Variants in PTPRN2 observed in about 807,000 individuals in gnomAD.
The protein encoded by PTPRN2 is protein tyrosine phosphatase receptor type N2, also known as receptor-type tyrosine-protein phosphatase N2.
Under a neutral mutation model 118.8 loss-of-function variants are expected in PTPRN2, and 74 were observed. The ratio of observed to expected loss-of-function variants is 0.62; its 90% confidence interval spans 0.52 to 0.76. The LOEUF is 0.76. PTPRN2 is among the 30% of genes least tolerant of loss of function. The probability of loss-of-function intolerance (pLI) is 0.00; values close to 1 mark genes in which losing one functional copy is unlikely to be tolerated. For synonymous variants in PTPRN2, 641 were observed against 608.0 expected (o/e 1.05, Z -0.80); for missense variants, 1,481 against 1,394.4 (o/e 1.06, Z -0.99).
chr7:157,715,965 G>A (rs1798883237), intron 12 of PTPRN2, among the ~76,000 whole-genome samples: 1 of 152,248 alleles, frequency 6.6e-6, no homozygotes, highest in Non-Finnish European at 1.5e-5. Context: ...TCCACGCTCT[G>A]ATCTGACTTA....
At position 158,132,268 on chromosome 7, in the gene PTPRN2, T is replaced by TAC. The variant is rs370186203; in HGVS notation, c.1556+1407_1556+1408dup. 1.1e-3 allele frequency among the ~76,000 whole-genome samples: 149 copies of TAC among 139,368 alleles called. 1 individual carries two copies. The highest frequency in any genetic ancestry group is 3.4e-3 in the African/African-American group (127 of 36,912). The allele number at this position is 139,368 out of a possible 152,430, so 91.4% of individuals were successfully genotyped here. Reference sequence around the variant, plus strand: ...CACATCTACCCGACATACACACTCATACACACACACACGCACAAACTGATA... The same window carrying TAC: ...CACATCTACCCGACATACACACTCATACACACACACACACGCACAAACTGATA... On this transcript the variant is annotated intron_variant, in intron 9 of 22. Coordinates refer to ENST00000389418, the MANE Select transcript of PTPRN2 (RefSeq NM_002847.5).
rs1326391452 is a variant in PTPRN2, at chr7:157,893,868, G to A, written c.1788+4805C>T. Among the ~76,000 whole-genome samples the A allele has an allele frequency of 6.6e-6, 1 of 152,200 alleles. No individual in the cohort carries two copies. Among genetic ancestry groups the A allele is most frequent in the Non-Finnish European group, 1.5e-5 (1 of 68,036 alleles). ...GGAGAGTCCAATCTGTAGAACTCAC[G>A]GAGGAGGAGCTGGTCGACTTGAAGG... On this transcript the variant is annotated intron_variant, in intron 12 of 22. Transcript: ENST00000389418. The surrounding 1 kb of genome is among the most constrained non-coding windows in gnomAD (Gnocchi z 4.0).
intron 9 of PTPRN2, among the ~76,000 whole-genome samples, chr7:158,114,456 C>T (rs1439496307): frequency 2.0e-5 from 3 of 150,982 alleles, no homozygotes; most frequent in Non-Finnish European, 4.4e-5. Context: ...GTAGGTCGCT[C>T]AGCTTCAGGC....
At position 158,534,951 on chromosome 7, in the gene PTPRN2, G is replaced by A. The variant is rs192365725; in HGVS notation, c.113-45166C>T. 9.1e-4 allele frequency among the ~76,000 whole-genome samples: 139 copies of A among 152,264 alleles called. 1 individual carries two copies. In the East Asian group the frequency reaches 0.013, roughly 14 times the overall value. On this transcript the variant is annotated intron_variant, in intron 1 of 22. Transcript: ENST00000389418. ...CCTCGAGCCTCGTCAGCAGGCAGGC[G>A]TTTCAGTGTTCCCCAGAACTACACC...
chr7:158,345,311 G>C (rs547468503), intron 2 of PTPRN2, among the ~76,000 whole-genome samples: 108 of 152,288 alleles, frequency 7.1e-4, no homozygotes, highest in African/African-American at 2.5e-3. Context: ...TCTTACTTTG[G>C]GTTTTGTCTT....
chr7:158,313,213 T>C (rs561558900), intron 3 of PTPRN2, among the ~76,000 whole-genome samples: 1 of 152,286 alleles, frequency 6.6e-6, no homozygotes, highest in African/African-American at 2.4e-5. Flanking sequence ...CATCCTGGAC[T>C]AGACACACCA....
At chr7:157,658,821 C>T (rs1044535151) in intron 13 of PTPRN2, among the ~76,000 whole-genome samples, 34 of 152,114 alleles carry the variant, frequency 2.2e-4, no homozygotes, top group African/African-American at 7.2e-4. Flanking sequence ...AAAATGCATT[C>T]GTGAGAAAAA....
intron 6 of PTPRN2, among the ~76,000 whole-genome samples, chr7:158,161,941 C>T (rs1822401829): frequency 6.6e-6 from 1 of 152,172 alleles, no homozygotes; most frequent in Admixed American, 6.5e-5. Context: ...ACCACAGACA[C>T]CTCACCACAG....
chr7:158,103,924 G>A (rs1308069572), intron 10 of PTPRN2, among the ~76,000 whole-genome samples: 4 of 151,742 alleles, frequency 2.6e-5, no homozygotes, highest in Admixed American at 6.6e-5. Flanking sequence ...GTGCAGTGGC[G>A]CGATCTCAGC....
chr7:158,173,235 A>G (rs1210492191), intron 5 of PTPRN2, among the ~76,000 whole-genome samples: 3 of 152,136 alleles, frequency 2.0e-5, no homozygotes, highest in African/African-American at 7.2e-5. Context: ...ATCACTTCCT[A>G]TTGGGGGAAC....
At chr7:158,510,237 C>T (rs1227736324) in intron 1 of PTPRN2, among the ~76,000 whole-genome samples, 2 of 152,210 alleles carry the variant, frequency 1.3e-5, no homozygotes, top group African/African-American at 2.4e-5. Context: ...TTGGCATCCT[C>T]GGCTTCTCCC....
At chr7:158,131,542 G>A (rs1263693027) in intron 9 of PTPRN2, among the ~76,000 whole-genome samples, 6 of 114,874 alleles carry the variant, frequency 5.2e-5, no homozygotes, top group African/African-American at 2.2e-4. Flanking sequence ...CACACACACG[G>A]GTACATACAA....
chr7:158,078,312 A>G (rs2128928357), intron 11 of PTPRN2, among the ~76,000 whole-genome samples: 1 of 152,312 alleles, frequency 6.6e-6, no homozygotes, highest in Non-Finnish European at 1.5e-5. Flanking sequence ...GCCAGCAGCC[A>G]TTGGGCTTCC....
chr7:158,375,909 C>T lies in PTPRN2; in HGVS notation c.164-58977G>A, dbSNP rs949586710. Among the ~76,000 whole-genome samples the T allele has an allele frequency of 2.6e-5, 4 of 152,184 alleles. No homozygotes were observed. The South Asian group carries it at 8.3e-4, about 32-fold the overall frequency. The stretch of plus-strand genomic sequence containing the variant: ...TCCCCATCCATCCCACTGAGAGCCA[C>T]CTCCATCCAGCAGTAAAATCCCCCA... On this transcript the variant is annotated intron_variant, in intron 2 of 22. Transcript: ENST00000389418.
chr7:158,354,974 G>A (rs1390566264), intron 2 of PTPRN2, among the ~76,000 whole-genome samples: 1 of 151,734 alleles, frequency 6.6e-6, no homozygotes, highest in East Asian at 1.9e-4. Flanking sequence ...CATCTCAATG[G>A]AAAACATACA....
intron 2 of PTPRN2, among the ~76,000 whole-genome samples, chr7:158,350,874 G>GA (rs1443909155): frequency 2.6e-5 from 4 of 152,104 alleles, no homozygotes; most frequent in Non-Finnish European, 5.9e-5. Flanking sequence ...TTCCAAAAGG[G>GA]AAAAAAATGT....
At chr7:158,437,932 G>A (rs754848921) in intron 2 of PTPRN2, among the ~76,000 whole-genome samples, 2 of 152,180 alleles carry the variant, frequency 1.3e-5, no homozygotes, top group Non-Finnish European at 2.9e-5. Context: ...GACCCTATGA[G>A]GTTGCCAAGT....
intron 2 of PTPRN2, among the ~76,000 whole-genome samples, chr7:158,489,427 A>G (rs1821267406): frequency 6.6e-6 from 1 of 152,252 alleles, no homozygotes; most frequent in African/African-American, 2.4e-5. Context: ...AGCCTGGGCG[A>G]CAGAGCGAGA....
At chr7:158,263,288 TCA>T (rs1797655777) in intron 3 of PTPRN2, among the ~76,000 whole-genome samples, 1 of 152,292 alleles carries the variant, frequency 6.6e-6, no homozygotes, top group African/African-American at 2.4e-5. Context: ...GCACTCACAG[TCA>T]CATGTGCACA....
Sources: allele counts gnomAD v4.1 joint callset (sites outside exome capture counted in the v4.1 genomes callset), GRCh38; gene constraint gnomAD v4.1.1; non-coding constraint Gnocchi (gnomAD v3.1); transcripts MANE v1.5; gene names NCBI Gene and HGNC (gene_info 2026-07-23, HGNC 2026-07-21).